The following MDGA2 variants were observed in gnomAD, a reference collection of about 807,000 sequenced individuals.
MDGA2 encodes MAM domain containing glycosylphosphatidylinositol anchor 2, also known as MAM domain-containing glycosylphosphatidylinositol anchor protein 2.
In MDGA2, 40 loss-of-function variants were observed where a neutral mutation model predicts 117.8. The observed-to-expected ratio is 0.34, with a 90% CI of 0.26 to 0.44. MDGA2 has a LOEUF of 0.44. Among genes scored for constraint, MDGA2 ranks in the 20% least tolerant of loss-of-function variants. The pLI is 1.00. For synonymous variants in MDGA2, 452 were observed against 439.0 expected (o/e 1.03, Z -0.37); for missense variants, 1,123 against 1,250.6 (o/e 0.90, Z 1.54).
chr14:46,901,852 G>A (rs1388960928), intron 10 of MDGA2, among the ~76,000 whole-genome samples: 2 of 152,180 alleles, frequency 1.3e-5, no homozygotes, highest in African/African-American at 2.4e-5. Flanking sequence ...TGAGAGCTAT[G>A]TCCAAGTCTG....
intron 5 of MDGA2, among the ~76,000 whole-genome samples, chr14:47,119,544 T>C (rs1465641271): frequency 6.6e-6 from 1 of 152,188 alleles, no homozygotes; most frequent in Non-Finnish European, 1.5e-5. Context: ...GTATCATAAT[T>C]TTATGTGGCT....
chr14:47,372,055 T>A (rs529745552), intron 1 of MDGA2, among the ~76,000 whole-genome samples: 10 of 151,938 alleles, frequency 6.6e-5, no homozygotes, highest in African/African-American at 1.9e-4. Flanking sequence ...GCAAAAAATG[T>A]TGGATATTGC....
rs925328250 is a variant in MDGA2 at position 46,859,422 on chromosome 14, C to T, written c.2753-4268G>A. On this transcript the variant is annotated intron_variant, in intron 14 of 16. Coordinates refer to ENST00000399232, the MANE Select transcript of MDGA2 (RefSeq NM_001113498.3). ...CCCATACAGACTTTTGGATTCAACCCTGCATATCTTTTTTCTTTCTGTTAC... is the reference window on the plus strand; with the variant it reads ...CCCATACAGACTTTTGGATTCAACCTTGCATATCTTTTTTCTTTCTGTTAC... Among the ~76,000 whole-genome samples, 5 of 152,282 alleles carry T rather than the reference C, an allele frequency of 3.3e-5. No homozygotes were observed. The East Asian group carries it at 5.8e-4, about 18-fold the overall frequency.
chr14:47,175,417 C>T (rs892863670), intron 3 of MDGA2, among the ~76,000 whole-genome samples: 4 of 149,934 alleles, frequency 2.7e-5, no homozygotes, highest in African/African-American at 4.9e-5. Context: ...ACTGGCAAAC[C>T]GAATCCAGCA....
At chr14:47,379,739 A>G (rs1464012506) in intron 1 of MDGA2, among the ~76,000 whole-genome samples, 1 of 152,212 alleles carries the variant, frequency 6.6e-6, no homozygotes, top group African/African-American at 2.4e-5. Flanking sequence ...TTAGAGACCT[A>G]CAAAGAGACT....
chr14:47,512,080 A>T (rs1462904456), intron 1 of MDGA2, among the ~76,000 whole-genome samples: 2 of 152,154 alleles, frequency 1.3e-5, no homozygotes, highest in Non-Finnish European at 2.9e-5. Context: ...GGCATGTGCT[A>T]CTGTCTCATG....
chr14:46,922,840 C>G (rs986020889), intron 9 of MDGA2, among the ~76,000 whole-genome samples: 1 of 152,216 alleles, frequency 6.6e-6, no homozygotes, highest in Non-Finnish European at 1.5e-5. Flanking sequence ...CAGCCAGGAT[C>G]TCTCTGGGGC....
intron 1 of MDGA2, among the ~76,000 whole-genome samples, chr14:47,378,051 C>A (rs192266205): frequency 6.6e-6 from 1 of 152,294 alleles, no homozygotes; most frequent in East Asian, 1.9e-4. Flanking sequence ...TGCCGTTCTG[C>A]CATGTTTGCT....
chr14:47,227,374 T>C (rs553989895), intron 2 of MDGA2, among the ~76,000 whole-genome samples: 1 of 152,266 alleles, frequency 6.6e-6, no homozygotes, highest in East Asian at 1.9e-4. Flanking sequence ...TACACCCCAA[T>C]TTATTTGCAG....
At chr14:47,084,432 A>C (rs191829676) in intron 6 of MDGA2, among the ~76,000 whole-genome samples, 1 of 152,222 alleles carries the variant, frequency 6.6e-6, no homozygotes, top group African/African-American at 2.4e-5. Context: ...CCTACAGTAA[A>C]AAAGAAGAAA....
intron 1 of MDGA2, among the ~76,000 whole-genome samples, chr14:47,494,900 T>C (rs1033384687): frequency 1.4e-5 from 2 of 141,994 alleles, no homozygotes; most frequent in African/African-American, 5.0e-5. Flanking sequence ...ATATGTAAAA[T>C]ATATATTGTG....
At chr14:47,119,700 G>C (rs1456532203) in intron 5 of MDGA2, among the ~76,000 whole-genome samples, 1 of 152,068 alleles carries the variant, frequency 6.6e-6, no homozygotes, top group African/African-American at 2.4e-5. Context: ...CTGATCAAGG[G>C]AATTAGAAAG....
intron 1 of MDGA2, among the ~76,000 whole-genome samples, chr14:47,316,984 CT>C (rs1481553121): frequency 6.6e-6 from 1 of 152,014 alleles, no homozygotes; most frequent in Non-Finnish European, 1.5e-5. Flanking sequence ...ACTGAAAGGC[CT>C]TTTTGACAAG....
chr14:47,235,827 C>A (rs1003304498), intron 2 of MDGA2, among the ~76,000 whole-genome samples: 1 of 152,112 alleles, frequency 6.6e-6, no homozygotes, highest in African/African-American at 2.4e-5. Flanking sequence ...TATCTAGACT[C>A]ATGCCGAGAG....
intron 6 of MDGA2, among the ~76,000 whole-genome samples, chr14:47,080,630 C>A (rs1463823658): frequency 6.6e-6 from 1 of 152,166 alleles, no homozygotes; most frequent in East Asian, 1.9e-4. Flanking sequence ...AAGCTATGGC[C>A]TTTTACTTCA....
chr14:46,957,813 T>G (rs1348378673), intron 8 of MDGA2, among the ~76,000 whole-genome samples, 170 bp from the exon 9 acceptor site: 1 of 152,074 alleles, frequency 6.6e-6, no homozygotes, highest in Non-Finnish European at 1.5e-5. Context: ...GGTTGGGAAA[T>G]GTGATTTCCT....
chr14:47,565,594 C>T (rs2138809993), intron 1 of MDGA2, among the ~76,000 whole-genome samples: 1 of 152,328 alleles, frequency 6.6e-6, no homozygotes, highest in South Asian at 2.1e-4. Flanking sequence ...TGAGTAGTAG[C>T]AGCAGGATCT....
At chr14:47,529,508 GTTAT>G (rs1283921364) in intron 1 of MDGA2, among the ~76,000 whole-genome samples, 5 of 151,836 alleles carry the variant, frequency 3.3e-5, no homozygotes, top group Non-Finnish European at 7.4e-5. Flanking sequence ...TATACTTTTA[GTTAT>G]TTTATTATAA....
intron 2 of MDGA2, among the ~76,000 whole-genome samples, chr14:47,268,114 C>T (rs1888025335): frequency 6.6e-6 from 1 of 151,598 alleles, no homozygotes. Context: ...TTCTTGTTGC[C>T]CAGGCTGGAG....
Sources: allele counts gnomAD v4.1 joint callset (sites outside exome capture counted in the v4.1 genomes callset), GRCh38; gene constraint gnomAD v4.1.1; transcripts MANE v1.5; gene names NCBI Gene and HGNC (gene_info 2026-07-23, HGNC 2026-07-21).